NTM: variants seen among roughly 807,000 people sequenced by gnomAD.
NTM encodes neurotrimin.
A neutral mutation model predicts 42.1 loss-of-function variants in NTM; 13 were observed. The ratio of observed to expected loss-of-function variants is 0.31; its 90% confidence interval spans 0.20 to 0.49. The LOEUF (loss-of-function observed/expected upper bound fraction) is 0.49, where lower values mean the gene tolerates loss of function less well. NTM is among the 20% of genes least tolerant of loss of function. The probability of loss-of-function intolerance (pLI) is 0.99; values close to 1 mark genes in which losing one functional copy is unlikely to be tolerated. For missense variants in NTM, 373 were observed against 452.8 expected, an observed-to-expected ratio of 0.82 and a Z score of 1.60; for synonymous variants, 187 against 179.2, an observed-to-expected ratio of 1.04 and a Z score of -0.35.
chr11:131,714,341 A>G (rs181909148), intron 1 of NTM, among the ~76,000 whole-genome samples: 16 of 152,134 alleles, frequency 1.1e-4, no homozygotes, highest in Admixed American at 1.0e-3. Flanking sequence ...GGCATGCACT[A>G]CCATGCCTGG....
chr11:131,653,144 A>G (rs550791612), intron 1 of NTM, among the ~76,000 whole-genome samples: 4 of 152,228 alleles, frequency 2.6e-5, no homozygotes, highest in Non-Finnish European at 4.4e-5. Flanking sequence ...AGCCAGCTCC[A>G]GAAAGGAGAA....
chr11:131,758,262 TC>T (rs1043274561), intron 1 of NTM, among the ~76,000 whole-genome samples: 4 of 150,280 alleles, frequency 2.7e-5, no homozygotes, highest in African/African-American at 7.3e-5. Flanking sequence ...GTCTTCCCCC[TC>T]CCCCCCGCCA....
At chr11:132,244,721 C>A (rs1441471805) in intron 4 of NTM, among the ~76,000 whole-genome samples, 2 of 152,188 alleles carry the variant, frequency 1.3e-5, no homozygotes, top group Non-Finnish European at 2.9e-5. Context: ...GGTGCACAGG[C>A]CCCTATGCCT....
chr11:132,252,256 A>G (rs560833822), intron 4 of NTM, among the ~76,000 whole-genome samples: 2 of 152,204 alleles, frequency 1.3e-5, no homozygotes, highest in East Asian at 3.9e-4. Flanking sequence ...TCAGCTCCCT[A>G]TCAGCTCCTT....
chr11:131,606,758 C>G (rs541607915), intron 1 of NTM, among the ~76,000 whole-genome samples: 1 of 152,100 alleles, frequency 6.6e-6, no homozygotes, highest in Non-Finnish European at 1.5e-5. Context: ...CAACAAAGAG[C>G]AATAATAGCT....
At chr11:131,775,558 C>T (rs1015173447) in intron 1 of NTM, among the ~76,000 whole-genome samples, 2 of 152,262 alleles carry the variant, frequency 1.3e-5, no homozygotes, top group Non-Finnish European at 2.9e-5. Context: ...TGTCCCTCTT[C>T]CCTCTGTTGA....
chr11:132,140,039 G>A (rs1179150280), intron 2 of NTM, among the ~76,000 whole-genome samples: 4 of 152,146 alleles, frequency 2.6e-5, no homozygotes, highest in African/African-American at 9.7e-5. Flanking sequence ...ACAAAAGAAT[G>A]TATTTACATG....
At chr11:132,043,406 T>C (rs1490022511) in intron 2 of NTM, among the ~76,000 whole-genome samples, 2 of 152,204 alleles carry the variant, frequency 1.3e-5, no homozygotes, top group East Asian at 3.9e-4. Context: ...TCAGCTAAGA[T>C]GAGGGAGGGT....
At chr11:131,752,587 C>G (rs1387895322) in intron 1 of NTM, among the ~76,000 whole-genome samples, 2 of 152,142 alleles carry the variant, frequency 1.3e-5, no homozygotes, top group African/African-American at 4.8e-5. Flanking sequence ...GACACATGCA[C>G]ATGTATGTTT....
At chr11:131,783,485 A>T (rs1565541408) in intron 1 of NTM, among the ~76,000 whole-genome samples, 1 of 152,278 alleles carries the variant, frequency 6.6e-6, no homozygotes, top group South Asian at 2.1e-4. Context: ...CAAAATAGCC[A>T]TACACATATG....
At chr11:131,611,554 G>C (rs2061468509) in intron 1 of NTM, among the ~76,000 whole-genome samples, 1 of 152,190 alleles carries the variant, frequency 6.6e-6, no homozygotes, top group Non-Finnish European at 1.5e-5. Flanking sequence ...ACATAAAGAA[G>C]GAGGAAAAGC....
chr11:131,705,447 A>G (rs1048893904), intron 1 of NTM, among the ~76,000 whole-genome samples: 10 of 152,166 alleles, frequency 6.6e-5, no homozygotes, highest in African/African-American at 1.7e-4. Context: ...ACTCAACACC[A>G]CTAGATTTGC....
chr11:132,255,585 G>T (rs1378199737), intron 4 of NTM, among the ~76,000 whole-genome samples: 1 of 152,224 alleles, frequency 6.6e-6, no homozygotes, highest in Non-Finnish European at 1.5e-5. Context: ...TGCCCAGTCA[G>T]AGAAGGGGGT....
At chr11:131,687,135 A>T (rs1453343386) in intron 1 of NTM, among the ~76,000 whole-genome samples, 1 of 152,162 alleles carries the variant, frequency 6.6e-6, no homozygotes, top group Non-Finnish European at 1.5e-5. Context: ...GGGCCCCTCC[A>T]CGTCATGCAA....
chr11:131,611,875 A>G (rs930891187), intron 1 of NTM, among the ~76,000 whole-genome samples: 1 of 152,214 alleles, frequency 6.6e-6, no homozygotes, highest in Non-Finnish European at 1.5e-5. Context: ...GAAGATGGTC[A>G]GAAGTAGATT....
At chr11:132,202,440 C>T (rs576515637) in intron 3 of NTM, among the ~76,000 whole-genome samples, 1 of 152,292 alleles carries the variant, frequency 6.6e-6, no homozygotes, top group Non-Finnish European at 1.5e-5. Context: ...ATAGCCCCAA[C>T]CCAAAGCATG....
rs1565467500 is a variant in NTM at position 131,722,005 on chromosome 11, A to AG, written c.83-189559_83-189558insG. ...GAGTGAAACTCTGTCTCAAAAAAAA[A>AG]AAAAAAAAAAAAAAAAAGAGAGAAA... On this transcript the variant is annotated intron_variant, in intron 1 of 8. Coordinates refer to ENST00000683400, the MANE Select transcript of NTM (RefSeq NM_001352005.2). 1.6e-4 allele frequency among the ~76,000 whole-genome samples: 23 copies of AG among 144,350 alleles called. 1 individual carries two copies. The East Asian group carries it at 4.4e-3, about 28-fold the overall frequency. 94.7% of individuals were successfully genotyped at this position (144,350 alleles called of 152,430 possible).
rs182188458 is a variant in NTM at position 132,119,264 on chromosome 11, T to A, written c.168-27018T>A. Among the ~76,000 whole-genome samples, 21 of 152,342 alleles carry A rather than the reference T, an allele frequency of 1.4e-4. No homozygotes were observed. The East Asian group carries it at 4.0e-3, about 29-fold the overall frequency. On this transcript the variant is annotated intron_variant, in intron 2 of 8. Coordinates refer to ENST00000683400, the MANE Select transcript of NTM (RefSeq NM_001352005.2). ...CTGCAAGTGGTGTCTACTGAGATCA[T>A]CAATGGCTGAAGGGTGCACTGCTAC... is the stretch of plus-strand genomic sequence containing the variant.
At chr11:132,149,013 C>T (rs1249541083) in intron 3 of NTM, among the ~76,000 whole-genome samples, 4 of 152,076 alleles carry the variant, frequency 2.6e-5, no homozygotes, top group Non-Finnish European at 4.4e-5. Context: ...TGGAAACAAG[C>T]TGGGTTAAAA....
Sources: gnomAD v4.1 joint callset for allele counts (sites outside exome capture counted in the v4.1 genomes callset) on GRCh38, gnomAD v4.1.1 for gene constraint, MANE v1.5 for transcripts, NCBI Gene and HGNC (gene_info 2026-07-23, HGNC 2026-07-21) for gene names.